CELF2: variants seen among roughly 807,000 people sequenced by gnomAD.
CELF2 encodes the protein CUG triplet repeat RNA-binding protein 2.
In CELF2, 8 loss-of-function variants were observed where a neutral mutation model predicts 62.6. The ratio of observed to expected loss-of-function variants is 0.13; its 90% CI spans 0.07 to 0.23. CELF2 has a LOEUF of 0.23. Ranked by LOEUF, CELF2 falls within the 10% of genes least tolerant of loss-of-function variation. The pLI is 1.00. For synonymous variants in CELF2, 258 were observed against 250.0 expected (o/e 1.03, Z -0.30); for missense variants, 333 against 671.0 (o/e 0.50, Z 5.56).
chr10:11,303,084 G>A (rs10905929), intron 9 of CELF2, among the ~76,000 whole-genome samples: 26,436 of 152,008 alleles, frequency 0.17, 3,231 homozygotes, highest in African/African-American at 0.35. Context: ...GTGGCCCAGC[G>A]GAAACTTCTT....
chr10:10,960,115 G>A (rs1307315468), intron 2 of CELF2: 2 of 152,246 alleles, frequency 1.3e-5, no homozygotes, highest in Admixed American at 1.3e-4. Context: ...TTCTTTGGTG[G>A]TAGACCCCTC....
intron 1 of CELF2, among the ~76,000 whole-genome samples, chr10:10,880,157 C>A (rs771964425): frequency 6.6e-6 from 1 of 152,132 alleles, no homozygotes; most frequent in Non-Finnish European, 1.5e-5. Flanking sequence ...TGAGAAACAG[C>A]ACAAGAGGAG....
At chr10:11,097,359 G>A (rs778630157) in intron 1 of CELF2, 6 of 152,156 alleles carry the variant, frequency 3.9e-5, no homozygotes, top group African/African-American at 9.7e-5. Context: ...CAAGCACTTT[G>A]TCCAGTCTTC....
chr10:11,212,396 T>G (rs2062083787), intron 2 of CELF2, among the ~76,000 whole-genome samples: 2 of 152,202 alleles, frequency 1.3e-5, no homozygotes, highest in African/African-American at 4.8e-5. Flanking sequence ...CTTCTGTGCT[T>G]TTTCTGTCTT....
At chr10:10,556,608 G>A in the CELF2 span, among the ~76,000 whole-genome samples, 19,000 of 151,598 alleles carry the variant, frequency 0.13, 1,313 homozygotes, top group South Asian at 0.19. Flanking sequence ...GAGTCGCCAC[G>A]CTGACTTCCA....
chr10:10,861,229 A>G (rs1023456633), intron 1 of CELF2, among the ~76,000 whole-genome samples: 1 of 151,970 alleles, frequency 6.6e-6, no homozygotes, highest in African/African-American at 2.4e-5. Flanking sequence ...GCATCCCAGC[A>G]CACTCAGCTA....
At chr10:10,621,243 C>CAAAAA in the CELF2 span, among the ~76,000 whole-genome samples, 2 of 45,356 alleles carry the variant, frequency 4.4e-5, no homozygotes, top group Non-Finnish European at 4.9e-5. Context: ...GACTCTGACT[C>CAAAAA]AAAAAAAAAA....
At chr10:11,129,628 T>A (rs914565146) in intron 1 of CELF2, among the ~76,000 whole-genome samples, 3 of 152,208 alleles carry the variant, frequency 2.0e-5, no homozygotes, top group Admixed American at 2.0e-4. Context: ...GTCGAGGAAT[T>A]TATCCATTTC....
chr10:11,022,059 T>G (rs1300504359), intron 1 of CELF2, among the ~76,000 whole-genome samples: 1 of 152,190 alleles, frequency 6.6e-6, no homozygotes, highest in Non-Finnish European at 1.5e-5. Context: ...CCATGGGCAT[T>G]TAAAGTCTAT....
chr10:10,725,898 TAA>T, the CELF2 span, among the ~76,000 whole-genome samples: 1 of 145,430 alleles, frequency 6.9e-6, no homozygotes, highest in African/African-American at 2.5e-5. Context: ...ATTCTACAAT[TAA>T]AAAAAAAAAG....
chr10:10,906,717 CTTTTTTTTTTTT>C (rs397846553), intron 1 of CELF2, among the ~76,000 whole-genome samples: 1 of 109,284 alleles, frequency 9.2e-6, no homozygotes, highest in Non-Finnish European at 1.7e-5. Context: ...TTTTTCTTTT[CTTTTTTTTTTTT>C]TTTTTTTTGA....
At chr10:10,918,811 G>T in intron 1 of CELF2, among the ~76,000 whole-genome samples, 1 of 152,172 alleles carries the variant, frequency 6.6e-6, no homozygotes, top group East Asian at 1.9e-4. Context: ...TCTTAAAGGG[G>T]TTATATGACA....
intron 1 of CELF2, among the ~76,000 whole-genome samples, chr10:11,007,973 G>T (rs890031706): frequency 8.5e-5 from 13 of 152,076 alleles, no homozygotes; most frequent in African/African-American, 2.9e-4. Flanking sequence ...CCGGTGGTTG[G>T]ATTATTACCA....
At chr10:10,830,279 TA>T (rs57725749) in intron 1 of CELF2, among the ~76,000 whole-genome samples, 368 of 122,488 alleles carry the variant, frequency 3.0e-3, no homozygotes, top group Middle Eastern at 4.5e-3. Flanking sequence ...GGAGTTCCTT[TA>T]AAAAAAAAAA....
intron 1 of CELF2, among the ~76,000 whole-genome samples, chr10:10,799,361 G>A (rs2054411945): frequency 6.6e-6 from 1 of 152,094 alleles, no homozygotes; most frequent in Admixed American, 6.5e-5. Context: ...GTGGGTGCCT[G>A]TAGTCCCTGC....
intron 1 of CELF2, among the ~76,000 whole-genome samples, chr10:10,822,754 G>A (rs905473548): frequency 1.3e-5 from 2 of 152,196 alleles, no homozygotes; most frequent in Non-Finnish European, 2.9e-5. Context: ...AGGAGAGAGA[G>A]AACATGTTTT....
intron 2 of CELF2, among the ~76,000 whole-genome samples, chr10:10,998,505 A>G (rs2054195711): frequency 6.6e-6 from 1 of 152,240 alleles, no homozygotes; most frequent in Admixed American, 6.5e-5. Context: ...GTGATGGTAT[A>G]TCTCATTAGG....
At chr10:10,629,790 A>ATTTGTTTAGG in the CELF2 span, among the ~76,000 whole-genome samples, 7 of 148,264 alleles carry the variant, frequency 4.7e-5, no homozygotes. Flanking sequence ...GAATCTGGAC[A>ATTTGTTTAGG]CATTGCACGT....
At position 11,331,357 on chromosome 10, in the gene CELF2, AC is replaced by A. The variant is rs999873963; in HGVS notation, c.*2306del. The A allele has an allele frequency of 4.0e-5, 6 of 151,768 alleles. No individual in the cohort carries two copies. The highest frequency in any genetic ancestry group is 1.2e-4 in the African/African-American group (5 of 41,262). 9.4% of individuals were successfully genotyped at this position (151,768 alleles called of 1,614,324 possible). On this transcript the variant is annotated 3_prime_UTR_variant, in exon 13 of 13. Transcript: ENST00000633077. ...ATTTCATGTGAGGGAAAAAAAAAAA[AC>A]CTATTCCAGAATAAGTTTTGTGTTG...
Sources: gnomAD v4.1 joint callset for allele counts (sites outside exome capture counted in the v4.1 genomes callset) on GRCh38, gnomAD v4.1.1 for gene constraint, MANE v1.5 for transcripts, NCBI Gene and HGNC (gene_info 2026-07-23, HGNC 2026-07-21) for gene names.